NDRG2: variants seen among roughly 807,000 people sequenced by gnomAD.
NDRG2 encodes NDRG family member 2.
A neutral mutation model predicts 58.2 loss-of-function variants in NDRG2; 34 were observed. The observed-to-expected ratio is 0.58, with a 90% confidence interval of 0.44 to 0.78. The LOEUF is 0.78. NDRG2 is among the 30% of genes least tolerant of loss of function. The pLI is 0.00. For synonymous variants in NDRG2, 187 were observed against 175.9 expected (o/e 1.06, Z -0.50); for missense variants, 434 against 471.2 (o/e 0.92, Z 0.73).
chr14:21,057,713 A>T, intron 1 of NDRG2: 2 of 585,764 alleles, frequency 3.4e-6, no homozygotes, highest in Non-Finnish European at 6.0e-6. Flanking sequence ...ACAAAAAGGC[A>T]CATTATCTGC....
chr14:21,056,123 T>C (rs1377560448), intron 1 of NDRG2, among the ~76,000 whole-genome samples: 1 of 152,070 alleles, frequency 6.6e-6, no homozygotes, highest in Admixed American at 6.6e-5. Context: ...ATTTTGCCAT[T>C]TTGGAGAGCA....
At chr14:21,043,630 G>A (rs2282036) in intron 1 of NDRG2, 167,149 of 603,742 alleles carry the variant, frequency 0.28, 23,688 homozygotes, top group East Asian at 0.36. Context: ...GAGCTCTAGA[G>A]GGATGGCTTT....
At chr14:21,049,478 G>A (rs940625097) in intron 1 of NDRG2, among the ~76,000 whole-genome samples, 1 of 152,100 alleles carries the variant, frequency 6.6e-6, no homozygotes, top group Non-Finnish European at 1.5e-5. Context: ...ATTCCTGCTT[G>A]GGTCGTGGCA....
chr14:21,033,012 C>T (rs1346990175), intron 1 of NDRG2: 1 of 454,926 alleles, frequency 2.2e-6, no homozygotes, highest in Non-Finnish European at 4.4e-6. Context: ...CAGGGGCAGA[C>T]TCTGGAGTCT....
chr14:21,017,759 G>A lies in NDRG2; in HGVS notation c.953C>T (p.Ala318Val). 6.2e-7 allele frequency: 1 copy of A among 1,600,618 alleles called. No homozygotes were observed. The highest frequency in any genetic ancestry group is 8.5e-7 in the Non-Finnish European group (1 of 1,173,302). ...GGACAGGCGAGTCATGCAGGATGAG[G>A]CCACTGTGGAGACAGCACGATGCAC... is the stretch of plus-strand genomic sequence containing the variant. The part of the protein sequence containing the change: ...KYFLQGMGYM[A>V]SSCMTRLSRS... Residue 318 changes from alanine (A) to valine (V), a missense_variant, in exon 16 of 16, where the codon GCC (alanine) becomes GTC (valine). Ala to Val is a moderately conservative substitution (Grantham distance 64, BLOSUM62 0). Coordinates refer to ENST00000556147, the MANE Select transcript of NDRG2 (RefSeq NM_001320329.2).
intron 15 of NDRG2, 49 bp from the exon 16 acceptor site, chr14:21,017,811 G>C (rs372921661): frequency 4.9e-5 from 78 of 1,604,926 alleles, no homozygotes; most frequent in Admixed American, 2.0e-4. Flanking sequence ...AGTGGGGAAG[G>C]GGGGCTGGCG....
intron 1 of NDRG2, among the ~76,000 whole-genome samples, chr14:21,056,911 G>A (rs1885699404): frequency 6.6e-6 from 1 of 152,174 alleles, no homozygotes; most frequent in African/African-American, 2.4e-5. Flanking sequence ...TTCTCCAGCA[G>A]GGCAAAATGT....
chr14:21,067,738 A>C (rs1239489780), intron 1 of NDRG2, among the ~76,000 whole-genome samples: 2 of 143,548 alleles, frequency 1.4e-5, no homozygotes, highest in Non-Finnish European at 3.0e-5. Context: ...ACGTATCAAC[A>C]CATACTCTGT....
At chr14:21,052,394 G>C (rs541321839) in intron 1 of NDRG2, among the ~76,000 whole-genome samples, 4 of 152,346 alleles carry the variant, frequency 2.6e-5, no homozygotes, top group Admixed American at 2.6e-4. Flanking sequence ...TAATGCTAAA[G>C]GAGGTTAGGA....
chr14:21,034,316 T>TG (rs1884469870), intron 1 of NDRG2: 2 of 1,569,008 alleles, frequency 1.3e-6, no homozygotes, highest in African/African-American at 2.7e-5. Flanking sequence ...TTAAGGTGGT[T>TG]GGGGGCAGCA....
At chr14:21,055,100 C>A (rs1885616902) in intron 1 of NDRG2, among the ~76,000 whole-genome samples, 1 of 152,156 alleles carries the variant, frequency 6.6e-6, no homozygotes, top group South Asian at 2.1e-4. Context: ...ATATATTCCT[C>A]ATTCAATATT....
At position 21,018,193 on chromosome 14, in the gene NDRG2, G is replaced by A. The variant is rs376445919; in HGVS notation, c.897+11C>T. 2 of 1,613,890 alleles carry A rather than the reference G, an allele frequency of 1.2e-6. No homozygotes were observed. The highest frequency in any genetic ancestry group is 3.3e-5 in the Admixed American group (2 of 60,032). ...TCCCTTCCCCATCCCATGGACGGCAGCGGCACTCACCTGAGTCAGCTGGGG... is the reference window on the plus strand; with the variant it reads ...TCCCTTCCCCATCCCATGGACGGCAACGGCACTCACCTGAGTCAGCTGGGG... On this transcript the variant is annotated intron_variant, in intron 14 of 15. Transcript: ENST00000556147.
intron 1 of NDRG2, among the ~76,000 whole-genome samples, chr14:21,066,595 A>C (rs1160561786): frequency 2.6e-5 from 4 of 152,124 alleles, no homozygotes; most frequent in Non-Finnish European, 5.9e-5. Flanking sequence ...CGGTCTCCCA[A>C]AGTGCTGGGA....
upstream of NDRG2, chr14:21,025,472 CG>C (rs1481220536): frequency 1.0e-6 from 1 of 985,332 alleles, no homozygotes; most frequent in African/African-American, 1.7e-5. The surrounding 1 kb of genome is among the most constrained non-coding windows in gnomAD (Gnocchi z 5.1). Context: ...GAGACGAACC[CG>C]GGATACTGAC....
At chr14:21,021,996 T>C in intron 5 of NDRG2, 66 bp downstream of exon 5, 2 of 1,612,570 alleles carry the variant, frequency 1.2e-6, no homozygotes, top group Non-Finnish European at 1.7e-6. Flanking sequence ...TCCTCCCCAG[T>C]CGAACCTTTC....
At chr14:21,023,206 A>G in intron 2 of NDRG2, 35 bp downstream of exon 2, 1 of 1,586,038 alleles carries the variant, frequency 6.3e-7, no homozygotes, top group South Asian at 1.1e-5. Flanking sequence ...AGAGGTCTGG[A>G]ATTTGGGCAT....
In NDRG2 at chr14:21,017,487, A is replaced by C. The variant is rs1204768410; in HGVS notation, c.*109T>G. The C allele has an allele frequency of 8.1e-7, 1 of 1,237,204 alleles. No individual in the cohort carries two copies. The highest frequency in any genetic ancestry group is 2.5e-5 in the East Asian group (1 of 39,286). 76.6% of individuals were successfully genotyped at this position (1,237,204 alleles called of 1,614,324 possible). ...AAGATCAAGGTCATCTCCCCGCATG[A>C]TCTGCCCTTTTTCCCTTGCTTACGG... On this transcript the variant is annotated 3_prime_UTR_variant, in exon 16 of 16. Coordinates refer to ENST00000556147, the MANE Select transcript of NDRG2 (RefSeq NM_001320329.2).
At position 21,070,621 on chromosome 14, in the gene NDRG2, C is replaced by T. The variant is rs1431958898; in HGVS notation, c.24+207G>A. On this transcript the variant is annotated intron_variant, in intron 1 of 14. Coordinates refer to the NDRG2 transcript ENST00000403829. This position sits in a 1 kb window ranked among gnomAD's most constrained non-coding sequence, Gnocchi z 4.7. Reference sequence around the variant, plus strand: ...CCTCACCCTTTCTTCCTCCTCTCCTCCGCCTCCTCCCCCATCCTCCCTTGG... The same window carrying T: ...CCTCACCCTTTCTTCCTCCTCTCCTTCGCCTCCTCCCCCATCCTCCCTTGG... Among the ~76,000 whole-genome samples, 1 of 152,072 alleles carries T rather than the reference C, an allele frequency of 6.6e-6. No homozygotes were observed. The highest frequency in any genetic ancestry group is 2.4e-5 in the African/African-American group (1 of 41,412).
At chr14:21,020,715 A>C in intron 7 of NDRG2, 69 bp downstream of exon 7, 1 of 1,601,614 alleles carries the variant, frequency 6.2e-7, no homozygotes, top group Non-Finnish European at 8.6e-7. Flanking sequence ...CCCAAACAGC[A>C]CTAATAAACA....
Sources: allele counts gnomAD v4.1 joint callset (sites outside exome capture counted in the v4.1 genomes callset), GRCh38; gene constraint gnomAD v4.1.1; non-coding constraint Gnocchi (gnomAD v3.1); transcripts MANE v1.5; gene names NCBI Gene and HGNC (gene_info 2026-07-23, HGNC 2026-07-21).